The following STK24 variants were observed in gnomAD, a reference collection of about 807,000 sequenced individuals.
STK24 encodes the protein serine/threonine-protein kinase 24.
Under a neutral mutation model 55.6 loss-of-function variants are expected in STK24, and 21 were observed. The ratio of observed to expected loss-of-function variants is 0.38; its 90% CI spans 0.27 to 0.54. STK24 has a LOEUF of 0.54. STK24 is among the 20% of genes least tolerant of loss of function. STK24 has a pLI of 0.79. For missense variants in STK24, 383 were observed against 538.4 expected (o/e 0.71, Z 2.86); for synonymous variants, 200 against 215.2 (o/e 0.93, Z 0.62).
chr13:98,516,825 A>C (rs1896081589), intron 2 of STK24, among the ~76,000 whole-genome samples: 2 of 152,228 alleles, frequency 1.3e-5, no homozygotes, highest in South Asian at 4.1e-4. Flanking sequence ...TTACACATTT[A>C]AGGAGTTTAC....
Position 98,483,179 on chromosome 13 carries a change from C to T in STK24, c.274-858G>A, listed in dbSNP as rs573704510. Among the ~76,000 whole-genome samples, 8 of 152,344 alleles carry T rather than the reference C, an allele frequency of 5.3e-5. No homozygotes were observed. In the South Asian group the frequency reaches 1.4e-3, roughly 28 times the overall value. ...GGCAGCCTGGGCAGGGTCTGGATCCCGACTCCCACTTCACGACCTAGGGGC... is the reference window on the plus strand; with the variant it reads ...GGCAGCCTGGGCAGGGTCTGGATCCTGACTCCCACTTCACGACCTAGGGGC... On this transcript the variant is annotated intron_variant, in intron 2 of 10. Transcript: ENST00000539966.
At position 98,448,630 on chromosome 13, in the gene STK24, A is replaced by G. The variant is rs1175592846; in HGVS notation, c.*4543T>C. 1 of 314,020 alleles carries G rather than the reference A, an allele frequency of 3.2e-6. No homozygotes were observed. Among genetic ancestry groups the G allele is most frequent in the South Asian group, 4.4e-5 (1 of 22,864 alleles). 19.5% of individuals were successfully genotyped at this position (314,020 alleles called of 1,614,324 possible). On this transcript the variant is annotated 3_prime_UTR_variant, in exon 11 of 11. Coordinates refer to ENST00000539966, the MANE Select transcript of STK24 (RefSeq NM_001032296.4). ...CCTGCCCCTGAAAAACAGTACACAC[A>G]CATCCGTTCAACACAAGACAGGGCA... is the stretch of plus-strand genomic sequence containing the variant.
chr13:98,518,341 T>A (rs1198367858), intron 2 of STK24, among the ~76,000 whole-genome samples: 1 of 152,228 alleles, frequency 6.6e-6, no homozygotes, highest in Non-Finnish European at 1.5e-5. Flanking sequence ...TTAGAGACTT[T>A]AGAGGGTAAG....
intron 2 of STK24, among the ~76,000 whole-genome samples, chr13:98,492,076 CGTGT>C (rs56956881): frequency 0.1 from 15,280 of 149,480 alleles, 1,007 homozygotes; most frequent in African/African-American, 0.19. Context: ...AGTGCGTGCG[CGTGT>C]GTGTGTGTGT....
At chr13:98,548,911 T>C (rs1205246437) in intron 1 of STK24, among the ~76,000 whole-genome samples, 1 of 140,028 alleles carries the variant, frequency 7.1e-6, no homozygotes, top group East Asian at 2.1e-4. Context: ...AGATCTACCA[T>C]ATGACCTTCA....
chr13:98,543,865 G>A (rs545175821), intron 1 of STK24, among the ~76,000 whole-genome samples: 11 of 152,240 alleles, frequency 7.2e-5, no homozygotes, highest in African/African-American at 2.6e-4. Context: ...TCACCCACAC[G>A]CATAAACCAC....
chr13:98,539,432 C>T (rs1020684657), intron 1 of STK24, among the ~76,000 whole-genome samples: 7 of 152,166 alleles, frequency 4.6e-5, no homozygotes, highest in African/African-American at 1.4e-4. Context: ...CTTCAGTGCT[C>T]TCACAGCATT....
intron 1 of STK24, among the ~76,000 whole-genome samples, chr13:98,572,028 C>A (rs1483248346): frequency 6.6e-6 from 1 of 152,220 alleles, no homozygotes; most frequent in African/African-American, 2.4e-5. Context: ...GGCCCACAGG[C>A]ACCCCACTGC....
At chr13:98,503,847 A>T (rs1477610310) in intron 2 of STK24, among the ~76,000 whole-genome samples, 1 of 152,238 alleles carries the variant, frequency 6.6e-6, no homozygotes, top group Non-Finnish European at 1.5e-5. Context: ...TGCCCCCAGG[A>T]ACATGCCACG....
intron 2 of STK24, among the ~76,000 whole-genome samples, chr13:98,487,002 G>C (rs1160807891): frequency 1.3e-5 from 2 of 152,210 alleles, no homozygotes; most frequent in East Asian, 3.8e-4. Flanking sequence ...GATGCAAAGT[G>C]CTATCAGCTT....
intron 10 of STK24, chr13:98,453,590 C>G (rs1246530398): frequency 1.2e-5 from 2 of 169,586 alleles, no homozygotes; most frequent in Non-Finnish European, 2.5e-5. Context: ...GGCAGGAAAC[C>G]CATTTTGGCC....
In STK24 at chr13:98,451,456, A is replaced by G. The variant is rs1893188512; in HGVS notation, c.*1717T>C. 1 of 152,208 alleles carries G rather than the reference A, an allele frequency of 6.6e-6. No individual in the cohort carries two copies. The highest frequency in any genetic ancestry group is 1.5e-5 in the Non-Finnish European group (1 of 68,042). The allele number at this position is 152,208 out of a possible 1,614,324, so 9.4% of individuals were successfully genotyped here. The stretch of plus-strand genomic sequence containing the variant: ...TCCCCAACCAAAATATATCCCTTAT[A>G]CAAATTAAGAGTTCAACCCAAATCC... On this transcript the variant is annotated 3_prime_UTR_variant, in exon 11 of 11. Transcript: ENST00000539966.
At position 98,448,372 on chromosome 13, in the gene STK24, C is replaced by T; in HGVS notation, c.*4801G>A. The T allele has an allele frequency of 7.4e-7, 1 of 1,353,624 alleles. No homozygotes were observed. The highest frequency in any genetic ancestry group is 1.1e-6 in the Non-Finnish European group (1 of 942,506). 83.9% of individuals were successfully genotyped at this position (1,353,624 alleles called of 1,614,324 possible). On this transcript the variant is annotated 3_prime_UTR_variant, in exon 11 of 11. Coordinates refer to ENST00000539966, the MANE Select transcript of STK24 (RefSeq NM_001032296.4). Reference sequence around the variant, plus strand: ...TGCTTTCCTGGAAGACGTTTCCTTTCTTCTGTATTAATGAAGCCTGGTAAA... The same window carrying T: ...TGCTTTCCTGGAAGACGTTTCCTTTTTTCTGTATTAATGAAGCCTGGTAAA...
intron 1 of STK24, chr13:98,521,951 CCA>C: frequency 7.6e-7 from 1 of 1,313,450 alleles, no homozygotes; most frequent in African/African-American, 1.5e-5. Context: ...GCAACATGCT[CCA>C]GTTTCTCCCA....
chr13:98,460,328 T>G (rs1339778337), intron 9 of STK24, 44 bp downstream of exon 9: 1 of 1,554,162 alleles, frequency 6.4e-7, no homozygotes, highest in Admixed American at 1.7e-5. Flanking sequence ...CAGCTTCTCC[T>G]TCCCCCTCCC....
At chr13:98,497,936 A>G (rs1895308510) in intron 2 of STK24, among the ~76,000 whole-genome samples, 1 of 152,222 alleles carries the variant, frequency 6.6e-6, no homozygotes, top group Admixed American at 6.5e-5. Flanking sequence ...TCAGCAACTG[A>G]GCCACCAACT....
intron 10 of STK24, chr13:98,456,571 T>A: frequency 2.0e-6 from 1 of 497,236 alleles, no homozygotes; most frequent in South Asian, 1.5e-5. Context: ...CTACAACAAG[T>A]TGGGAGGGGG....
intron 1 of STK24, chr13:98,576,178 G>C (rs1208630445): frequency 1.0e-6 from 1 of 985,264 alleles, no homozygotes; most frequent in Non-Finnish European, 1.2e-6. Context: ...TCCGGGCAAA[G>C]CCACTGCAAG....
intron 1 of STK24, among the ~76,000 whole-genome samples, chr13:98,569,420 A>C (rs979285839): frequency 2.1e-5 from 3 of 143,904 alleles, no homozygotes; most frequent in Middle Eastern, 3.6e-3. Context: ...AGACAAAAAA[A>C]AAAAAACAAA....
Sources: allele counts gnomAD v4.1 joint callset (sites outside exome capture counted in the v4.1 genomes callset), GRCh38; gene constraint gnomAD v4.1.1; transcripts MANE v1.5; gene names NCBI Gene and HGNC (gene_info 2026-07-23, HGNC 2026-07-21).